Variants in CERK observed in about 807,000 individuals in gnomAD.
CERK encodes the protein ceramide kinase.
In CERK, 39 loss-of-function variants were observed where a neutral mutation model predicts 63.4. The ratio of observed to expected loss-of-function variants is 0.61; its 90% CI spans 0.48 to 0.80. The LOEUF (loss-of-function observed/expected upper bound fraction) is 0.80. CERK is among the 30% of genes least tolerant of loss of function. The pLI is 0.00. For synonymous variants in CERK, 302 were observed against 280.0 expected (o/e 1.08, Z -0.78); for missense variants, 670 against 714.1 (o/e 0.94, Z 0.70).
At chr22:46,737,010 AAGGC>A (rs1262923115) in intron 1 of CERK, among the ~76,000 whole-genome samples, 2 of 152,106 alleles carry the variant, frequency 1.3e-5, no homozygotes, top group Admixed American at 1.3e-4. Context: ...AAAAAGAAAA[AAGGC>A]TGGGTGCGGT....
intron 1 of CERK, among the ~76,000 whole-genome samples, chr22:46,732,989 A>C (rs2082953019): frequency 6.6e-6 from 1 of 151,968 alleles, no homozygotes; most frequent in African/African-American, 2.4e-5. Flanking sequence ...AGGGAGGATC[A>C]CGAGGTCAGG....
At chr22:46,692,925 GAA>G (rs2082738771) in intron 10 of CERK, among the ~76,000 whole-genome samples, 1 of 132,568 alleles carries the variant, frequency 7.5e-6, no homozygotes, top group African/African-American at 2.7e-5. Flanking sequence ...AAAAAAAAAA[GAA>G]GAGAAAGAGA....
chr22:46,717,152 G>A (rs141515477), intron 3 of CERK, among the ~76,000 whole-genome samples: 343 of 152,244 alleles, frequency 2.3e-3, no homozygotes, highest in South Asian at 7.1e-3. Context: ...TGGCTAAGAC[G>A]TAAAGGTGTG....
At chr22:46,692,351 G>A (rs147487832) in intron 10 of CERK, among the ~76,000 whole-genome samples, 75 of 150,780 alleles carry the variant, frequency 5.0e-4, no homozygotes, top group African/African-American at 1.7e-3. Flanking sequence ...GCTTGAACCC[G>A]GAAGGCAGAG....
At chr22:46,722,556 C>CTTT (rs556829995) in intron 1 of CERK, among the ~76,000 whole-genome samples, 2 of 125,562 alleles carry the variant, frequency 1.6e-5, no homozygotes, top group South Asian at 2.5e-4. Context: ...GGCCTCCCAT[C>CTTT]TTTTTTTTTT....
At chr22:46,694,291 T>C (rs1029234015) in intron 9 of CERK, among the ~76,000 whole-genome samples, 3 of 152,142 alleles carry the variant, frequency 2.0e-5, no homozygotes, top group Admixed American at 1.3e-4. Context: ...AGGGAGGTCA[T>C]GCGGCCTGGG....
intron 5 of CERK, among the ~76,000 whole-genome samples, chr22:46,709,036 G>A (rs774910130): frequency 2.0e-4 from 31 of 152,168 alleles, no homozygotes; most frequent in Admixed American, 3.3e-4. Flanking sequence ...CTTTGGGCCC[G>A]GCTCCCATGG....
intron 1 of CERK, among the ~76,000 whole-genome samples, chr22:46,727,110 C>G (rs1463315042): frequency 6.6e-6 from 1 of 152,174 alleles, no homozygotes; most frequent in African/African-American, 2.4e-5. Context: ...CCCAGTGAGG[C>G]TGAGCCGTGG....
intron 5 of CERK, among the ~76,000 whole-genome samples, chr22:46,708,545 C>G (rs1200190506): frequency 3.9e-5 from 6 of 152,188 alleles, no homozygotes; most frequent in African/African-American, 7.2e-5. Flanking sequence ...AAGGCAAGAG[C>G]AGAGGGGACG....
intron 9 of CERK, among the ~76,000 whole-genome samples, chr22:46,694,670 T>C (rs1000052802): frequency 7.2e-5 from 11 of 152,182 alleles, no homozygotes; most frequent in Non-Finnish European, 1.5e-4. Flanking sequence ...AAGGCGTGGC[T>C]GGCCTGGGCT....
chr22:46,715,996 G>C (rs1045059757), intron 3 of CERK, among the ~76,000 whole-genome samples: 1 of 151,906 alleles, frequency 6.6e-6, no homozygotes. Flanking sequence ...GACCAGCCTG[G>C]GCAACACAGC....
intron 12 of CERK, among the ~76,000 whole-genome samples, chr22:46,688,772 C>CA (rs2082715797): frequency 6.6e-6 from 1 of 152,274 alleles, no homozygotes; most frequent in Non-Finnish European, 1.5e-5. Flanking sequence ...CTATCGCTCT[C>CA]ACGCCAGCCA....
In CERK at chr22:46,738,117, T is replaced by C; in HGVS notation, c.32A>G (p.Gln11Arg). Residue 11 changes from glutamine to arginine, a missense_variant, in exon 1 of 13, where the codon CAA (glutamine) becomes CGA (arginine). Gln to Arg is a conservative substitution (Grantham distance 43). Transcript: ENST00000216264. MGATGAAEPLQSVLWVKQQRC... is the reference protein window; with the variant it reads MGATGAAEPLRSVLWVKQQRC... ...CTGCTGCTTCACCCACAGCACGGAT[T>C]GCAGCGGCTCCGCCGCCCCCGTCGC... 1 of 1,255,692 alleles carries C rather than the reference T, an allele frequency of 8.0e-7. No individual in the cohort carries two copies. Among genetic ancestry groups the C allele is most frequent in the Non-Finnish European group, 1.0e-6 (1 of 993,236 alleles). 77.8% of individuals were successfully genotyped at this position (1,255,692 alleles called of 1,614,324 possible). A position where few individuals can be genotyped will look rare whatever the true frequency, so the allele number is the denominator to read the frequency against.
rs751005813 is a variant in CERK, at chr22:46,701,600, G to A, written c.790+36C>T. The A allele has an allele frequency of 1.2e-4, 180 of 1,533,900 alleles. No individual in the cohort carries two copies. The South Asian group carries it at 1.3e-3, about 11-fold the overall frequency. ...CAGGCCTGGGGGCGCAGGAGGCCCG[G>A]CTGCCACCGTGCGCATGCGCAGAGG... On this transcript the variant is annotated intron_variant, in intron 7 of 12. Coordinates refer to ENST00000216264, the MANE Select transcript of CERK (RefSeq NM_022766.6).
chr22:46,728,905 G>A (rs2082932819), intron 1 of CERK, among the ~76,000 whole-genome samples: 1 of 152,220 alleles, frequency 6.6e-6, no homozygotes, highest in Non-Finnish European at 1.5e-5. Context: ...GGCTGGAGCA[G>A]GAATACTTGG....
chr22:46,689,888 T>C, intron 12 of CERK, 104 bp downstream of exon 12: 1 of 741,622 alleles, frequency 1.3e-6, no homozygotes, highest in Non-Finnish European at 2.1e-6. Flanking sequence ...CGTTTTGTGT[T>C]TATAAAGCCC....
chr22:46,707,278 T>G (rs1238265081), intron 6 of CERK, among the ~76,000 whole-genome samples: 2 of 152,180 alleles, frequency 1.3e-5, no homozygotes, highest in African/African-American at 4.8e-5. Flanking sequence ...GGCCCTCAGC[T>G]TGACTTAGCT....
chr22:46,713,259 C>T (rs924271379), intron 3 of CERK, among the ~76,000 whole-genome samples: 3 of 152,002 alleles, frequency 2.0e-5, no homozygotes, highest in African/African-American at 7.2e-5. Flanking sequence ...AATCCCAGCA[C>T]TTTGGGAGGC....
intron 1 of CERK, among the ~76,000 whole-genome samples, chr22:46,722,281 G>A (rs1287889318): frequency 6.6e-6 from 1 of 152,194 alleles, no homozygotes; most frequent in African/African-American, 2.4e-5. Context: ...TCAAGTTCTA[G>A]GAACCTGGGA....
Sources: gnomAD v4.1 joint callset for allele counts (sites outside exome capture counted in the v4.1 genomes callset) on GRCh38, gnomAD v4.1.1 for gene constraint, MANE v1.5 for transcripts, NCBI Gene and HGNC (gene_info 2026-07-23, HGNC 2026-07-21) for gene names.